The following FASTKD2 variants were observed in gnomAD, a reference collection of about 807,000 sequenced individuals.
FASTKD2 encodes the protein FAST kinase domains 2.
A neutral mutation model predicts 63.6 loss-of-function variants in FASTKD2; 51 were observed. The observed-to-expected ratio is 0.80, with a 90% CI of 0.64 to 1.01. FASTKD2 has a LOEUF of 1.01. FASTKD2 is among the 50% of genes least tolerant of loss of function. The probability of loss-of-function intolerance (pLI) is 0.00; values close to 1 mark genes in which losing one functional copy is unlikely to be tolerated. For missense variants in FASTKD2, 786 were observed against 831.1 expected (o/e 0.95, Z 0.67); for synonymous variants, 284 against 293.4 (o/e 0.97, Z 0.33).
At position 206,790,586 on chromosome 2, in the gene FASTKD2, G is replaced by C; in HGVS notation, c.1913G>C (p.Cys638Ser). 1 of 1,601,918 alleles carries C rather than the reference G, an allele frequency of 6.2e-7. No homozygotes were observed. The highest frequency in any genetic ancestry group is 2.2e-5 in the East Asian group (1 of 44,814). Residue 638 changes from cysteine (C) to serine (S), a missense_variant, in exon 11 of 12, where the codon TGT becomes TCT. Physicochemically the swap from Cys to Ser is moderately radical, Grantham distance 112. Transcript: ENST00000402774. ...TTTGTTTTCAGAGTAGCTGTGCTAT[G>C]TGTTTCCAGATCTGCTTATTGTTTG... ...ATDIQRVAVL[C>S]VSRSAYCLGS...
chr2:206,781,761 C>T (rs890194684), intron 7 of FASTKD2, among the ~76,000 whole-genome samples: 24 of 150,384 alleles, frequency 1.6e-4, no homozygotes, highest in Non-Finnish European at 3.2e-4. Context: ...ATAGATGCTC[C>T]TCTCCTTTCT....
At chr2:206,787,303 G>C (rs994869059) in intron 8 of FASTKD2, among the ~76,000 whole-genome samples, 2 of 152,134 alleles carry the variant, frequency 1.3e-5, no homozygotes, top group African/African-American at 4.8e-5. Flanking sequence ...CTCCTGGCCT[G>C]TGATGAGGGA....
In FASTKD2 at chr2:206,794,429, T is replaced by A. The variant is rs1412834641; in HGVS notation, c.*2627T>A. ...ATTTTAATTTTTAGATTTTTAAAGA[T>A]GGGGCCCTGCTATGTTACCCAGGCT... is the stretch of plus-strand genomic sequence containing the variant. On this transcript the variant is annotated 3_prime_UTR_variant, in exon 12 of 12. Transcript: ENST00000402774. 2.0e-5 allele frequency among the ~76,000 whole-genome samples: 3 copies of A among 152,276 alleles called. No individual in the cohort carries two copies. The East Asian group carries it at 5.8e-4, about 29-fold the overall frequency.
At chr2:206,781,897 A>C (rs1689994643) in intron 7 of FASTKD2, among the ~76,000 whole-genome samples, 1 of 151,914 alleles carries the variant, frequency 6.6e-6, no homozygotes, top group Non-Finnish European at 1.5e-5. Flanking sequence ...TTGTGAGGTG[A>C]GATAGAAACC....
rs144499152 is a variant in FASTKD2 at position 206,771,211 on chromosome 2, T to C, written c.911T>C (p.Ile304Thr). ...RILVDQQVWK[I>T]EDVFTLQVVM... is the part of the protein sequence containing the mutation. ...CTAGTTGATCAGCAAGTTTGGAAAA[T>C]AGAAGATGTCTTCACATTACAAGTT... The change falls in exon 4 of 12, where the codon ATA (isoleucine) becomes ACA (threonine). Residue 304 changes from isoleucine to threonine, a missense_variant. Ile to Thr is a moderately conservative substitution (Grantham distance 89). Coordinates refer to ENST00000402774, the MANE Select transcript of FASTKD2 (RefSeq NM_001136193.2). 1.4e-4 allele frequency: 220 copies of C among 1,607,778 alleles called. No homozygotes were observed. In the East Asian group the frequency reaches 4.5e-3, roughly 33 times the overall value.
In FASTKD2 at chr2:206,795,753, G is replaced by A. The variant is rs1316219718; in HGVS notation, c.*3951G>A. ...GTTTCTGCCAACAAACAGCCACAGA[G>A]CATTTTATTTTTCTAGAAGAGCAAT... On this transcript the variant is annotated 3_prime_UTR_variant, in exon 12 of 12. Coordinates refer to ENST00000402774, the MANE Select transcript of FASTKD2 (RefSeq NM_001136193.2). Among the ~76,000 whole-genome samples the A allele has an allele frequency of 6.6e-6, 1 of 152,202 alleles. No individual in the cohort carries two copies. Among genetic ancestry groups the A allele is most frequent in the Non-Finnish European group, 1.5e-5 (1 of 68,040 alleles).
Position 206,793,248 on chromosome 2 carries a change from A to AAAAAAAAAAAAAAAAAAAC in FASTKD2, c.*1449_*1450insAAAAAAAAAAAAAAACAAA, listed in dbSNP as rs1259024642. ...AAAAAAAAAAAAAAAAAAAAAAAAAAAAATACAAAAACTATAGCAATATGA... is the reference window on the plus strand; with the variant it reads ...AAAAAAAAAAAAAAAAAAAAAAAAAAAAAAAAAAAAAAAAAAAACAAATACAAAAACTATAGCAATATGA... On this transcript the variant is annotated 3_prime_UTR_variant, in exon 12 of 12. Coordinates refer to ENST00000402774, the MANE Select transcript of FASTKD2 (RefSeq NM_001136193.2). 1.0e-4 allele frequency among the ~76,000 whole-genome samples: 13 copies of AAAAAAAAAAAAAAAAAAAC among 126,630 alleles called. No individual in the cohort carries two copies. The highest frequency in any genetic ancestry group is 1.8e-4 in the Non-Finnish European group (10 of 56,464). 83.1% of individuals were successfully genotyped at this position (126,630 alleles called of 152,430 possible).
intron 1 of FASTKD2, among the ~76,000 whole-genome samples, chr2:206,766,344 A>G (rs1286332465): frequency 6.6e-6 from 1 of 151,476 alleles, no homozygotes; most frequent in Non-Finnish European, 1.5e-5. Context: ...CACCGAGGAC[A>G]TTTCCATAAC....
intron 9 of FASTKD2, 90 bp downstream of exon 9, chr2:206,788,245 T>C (rs1364135051): frequency 5.8e-6 from 5 of 860,466 alleles, no homozygotes; most frequent in Middle Eastern, 3.1e-4. Flanking sequence ...GGCAGCAGTT[T>C]AGTGTAGTGC....
At chr2:206,775,479 T>C (rs1367000749) in intron 7 of FASTKD2, among the ~76,000 whole-genome samples, 1 of 152,034 alleles carries the variant, frequency 6.6e-6, no homozygotes, top group Non-Finnish European at 1.5e-5. Flanking sequence ...GAATAATCTT[T>C]CTAATGTATT....
At chr2:206,772,604 T>C (rs907860906) in intron 6 of FASTKD2, among the ~76,000 whole-genome samples, 1 of 152,166 alleles carries the variant, frequency 6.6e-6, no homozygotes, top group South Asian at 2.1e-4. Flanking sequence ...ATTTTGAATT[T>C]TGTTGTTTTG....
chr2:206,777,194 T>C (rs1431953249), intron 7 of FASTKD2, among the ~76,000 whole-genome samples: 1 of 152,156 alleles, frequency 6.6e-6, no homozygotes, highest in Non-Finnish European at 1.5e-5. Flanking sequence ...TTACTCTGGC[T>C]AAGATTTCCA....
At chr2:206,784,415 T>C (rs1228195546) in intron 7 of FASTKD2, among the ~76,000 whole-genome samples, 1 of 152,232 alleles carries the variant, frequency 6.6e-6, no homozygotes, top group Non-Finnish European at 1.5e-5. Context: ...TTCTGGCTTA[T>C]TGTATACCCA....
Position 206,772,438 on chromosome 2 carries a change from G to A in FASTKD2, c.1254+118G>A. ...AGTTAAGATACCAAAATATTCCAAT[G>A]CTGAATTGACTTTTGAAAAATTAGC... On this transcript the variant is annotated intron_variant, in intron 6 of 11. Transcript: ENST00000402774. The A allele has an allele frequency of 3.7e-6, 4 of 1,068,868 alleles. No homozygotes were observed. The South Asian group carries it at 4.2e-5, about 11-fold the overall frequency. 66.2% of individuals were successfully genotyped at this position (1,068,868 alleles called of 1,614,324 possible).
chr2:206,771,774 A>C, intron 4 of FASTKD2, 120 bp from the exon 5 acceptor site: 1 of 745,032 alleles, frequency 1.3e-6, no homozygotes, highest in Non-Finnish European at 2.3e-6. Context: ...GGATCACTTG[A>C]GCCTGGGAGG....
rs772042470 is a variant in FASTKD2, at chr2:206,774,373, A to C, written c.1403A>C (p.His468Pro). 6.2e-7 allele frequency: 1 copy of C among 1,600,216 alleles called. No homozygotes were observed. The highest frequency in any genetic ancestry group is 1.1e-5 in the South Asian group (1 of 90,050). Reference protein sequence around the residue: ...SILHTYSSLNHVYKCQNKEQF... With the variant: ...SILHTYSSLNPVYKCQNKEQF... ...CTTCATACTTACTCTTCTCTCAATC[A>C]TGTCTACAAATGCCAGAACAAAGAG... The change falls in exon 7 of 12, where the codon CAT becomes CCT. Residue 468 changes from histidine (H) to proline (P), a missense_variant. By Grantham distance (77) the His-to-Pro change is moderately conservative. Coordinates refer to ENST00000402774, the MANE Select transcript of FASTKD2 (RefSeq NM_001136193.2).
At chr2:206,773,924 G>A (rs911923010) in intron 6 of FASTKD2, among the ~76,000 whole-genome samples, 3 of 152,132 alleles carry the variant, frequency 2.0e-5, no homozygotes, top group Non-Finnish European at 4.4e-5. Flanking sequence ...CAGATATGTT[G>A]TATGAAAAGC....
intron 10 of FASTKD2, 197 bp downstream of exon 10, chr2:206,789,100 C>T: frequency 1.8e-6 from 1 of 568,808 alleles, no homozygotes; most frequent in South Asian, 2.2e-5. Flanking sequence ...CAATGGACTA[C>T]AGTATTGGTC....
chr2:206,777,086 TGGATA>T (rs980484086), intron 7 of FASTKD2, among the ~76,000 whole-genome samples: 9 of 152,258 alleles, frequency 5.9e-5, no homozygotes, highest in Admixed American at 2.6e-4. Flanking sequence ...ATTTCCTTTT[TGGATA>T]GTTTGTTATA....
Sources: gnomAD v4.1 joint callset for allele counts (sites outside exome capture counted in the v4.1 genomes callset) on GRCh38, gnomAD v4.1.1 for gene constraint, MANE v1.5 for transcripts, NCBI Gene and HGNC (gene_info 2026-07-23, HGNC 2026-07-21) for gene names.